Variants in MIB1 observed in about 807,000 individuals in gnomAD.
The protein encoded by MIB1 is MIB E3 ubiquitin protein ligase 1, also known as E3 ubiquitin-protein ligase MIB1.
MIB1 carries 278 observed loss-of-function variants against 124.5 expected under a neutral mutation model. The ratio of observed to expected loss-of-function variants is 2.23; its 90% confidence interval spans 2.02 to 2.47. The LOEUF is 2.47. MIB1 is among the 30% of genes most tolerant of loss of function. The pLI is 0.00. For synonymous variants in MIB1, 446 were observed against 429.4 expected (o/e 1.04, Z -0.48); for missense variants, 957 against 1,254.4 (o/e 0.76, Z 3.58).
intron 4 of MIB1, among the ~76,000 whole-genome samples, 180 bp downstream of exon 4, chr18:21,773,908 C>CT (rs1291858166): frequency 2.0e-5 from 3 of 151,966 alleles, no homozygotes; most frequent in Non-Finnish European, 2.9e-5. Context: ...GTTTGAGTAC[C>CT]TTACTATATA....
At chr18:21,781,975 T>C (rs1370718949) in intron 6 of MIB1, among the ~76,000 whole-genome samples, 1 of 152,136 alleles carries the variant, frequency 6.6e-6, no homozygotes, top group Non-Finnish European at 1.5e-5. Context: ...ATTTTGTTGA[T>C]ATTTTCTCTT....
At chr18:21,858,116 G>A (rs1218054174) in intron 19 of MIB1, among the ~76,000 whole-genome samples, 4 of 152,154 alleles carry the variant, frequency 2.6e-5, no homozygotes, top group South Asian at 2.1e-4. Context: ...ATTTGTGTAC[G>A]TCCTCATAAA....
chr18:21,841,484 A>G (rs2042088671), intron 13 of MIB1, among the ~76,000 whole-genome samples: 1 of 152,210 alleles, frequency 6.6e-6, no homozygotes, highest in South Asian at 2.1e-4. Context: ...TGAAAGCATT[A>G]TTAGTGATTA....
At chr18:21,800,132 G>T (rs2041634713) in intron 9 of MIB1, among the ~76,000 whole-genome samples, 158 bp downstream of exon 9, 1 of 151,914 alleles carries the variant, frequency 6.6e-6, no homozygotes, top group Non-Finnish European at 1.5e-5. Context: ...ACATTCTTCA[G>T]TGTGCATTTC....
chr18:21,858,575 G>A lies in MIB1; in HGVS notation c.2809G>A (p.Asp937Asn). 6.3e-7 allele frequency: 1 copy of A among 1,591,322 alleles called. No homozygotes were observed. The highest frequency in any genetic ancestry group is 1.1e-5 in the South Asian group (1 of 89,728). The change falls in exon 20 of 21, where the codon GAC (aspartate) becomes AAC (asparagine). Residue 937 changes from aspartate to asparagine, a missense_variant. Asp to Asn is a conservative substitution (Grantham distance 23). Coordinates refer to ENST00000261537, the MANE Select transcript of MIB1 (RefSeq NM_020774.4). Reference sequence around the variant, plus strand: ...TGGGAATATTCCAGTATTACAAAAGGACAAGGATAATACCAATGTCAATGC... The same window carrying A: ...TGGGAATATTCCAGTATTACAAAAGAACAAGGATAATACCAATGTCAATGC... Reference protein sequence around the residue: ...SSGNIPVLQKDKDNTNVNADV... With the variant: ...SSGNIPVLQKNKDNTNVNADV...
chr18:21,716,230 A>G (rs2040689239), intron 1 of MIB1, among the ~76,000 whole-genome samples: 1 of 152,204 alleles, frequency 6.6e-6, no homozygotes, highest in African/African-American at 2.4e-5. Flanking sequence ...AAACAAAACA[A>G]TTATCAGCCA....
intron 1 of MIB1, among the ~76,000 whole-genome samples, chr18:21,753,498 T>C (rs1477430298): frequency 1.3e-5 from 2 of 152,142 alleles, no homozygotes; most frequent in African/African-American, 4.8e-5. Context: ...GAAAATATTT[T>C]TTTTTGTTAA....
chr18:21,778,022 A>C, intron 4 of MIB1, 81 bp from the exon 5 acceptor site: 1 of 944,122 alleles, frequency 1.1e-6, no homozygotes. Context: ...GTATGTTCTG[A>C]ATGAATATTC....
rs966181347 is a variant in MIB1, at chr18:21,711,009, T to A, written n.167+5886T>A. ...ACCCAGATAATTTTTGTATTTTTAG[T>A]AGAGACAGGGTTTCACCATGTTGGC... On this transcript the variant is annotated intron_variant and non_coding_transcript_variant, in intron 1 of 20. Transcript: ENST00000578646. 2.6e-5 allele frequency among the ~76,000 whole-genome samples: 4 copies of A among 152,102 alleles called. No homozygotes were observed. In the South Asian group the frequency reaches 8.3e-4, roughly 31 times the overall value.
chr18:21,736,092 C>T (rs1220866812), upstream of MIB1, among the ~76,000 whole-genome samples: 1 of 152,220 alleles, frequency 6.6e-6, no homozygotes, highest in Non-Finnish European at 1.5e-5. Context: ...GAGACACCTC[C>T]CAGTAGGGGC....
At chr18:21,849,437 A>G in intron 17 of MIB1, 49 bp downstream of exon 17, 1 of 1,082,470 alleles carries the variant, frequency 9.2e-7, no homozygotes, top group South Asian at 2.1e-5. Flanking sequence ...AGTTGAGACT[A>G]GAATTAATGA....
rs771083070 is a variant in MIB1, at chr18:21,798,204, T to A, written c.1213T>A (p.Ser405Thr). The A allele has an allele frequency of 6.2e-7, 1 of 1,613,218 alleles. No individual in the cohort carries two copies. Among genetic ancestry groups the A allele is most frequent in the Non-Finnish European group, 8.5e-7 (1 of 1,179,374 alleles). Residue 405 changes from serine to threonine, a missense_variant, in exon 8 of 21, where the codon TCA becomes ACA. Transcript: ENST00000261537. ...AGTTTCCAAGGTGGCATCTGCAGGA[T>A]CAGCCATTAGCAATGCATCTGGTGG... ...AAVSKVASAG[S>T]AISNASGERL...
At chr18:21,735,995 G>C (rs1252813732), upstream of MIB1, among the ~76,000 whole-genome samples, 2 of 152,260 alleles carry the variant, frequency 1.3e-5, no homozygotes, top group African/African-American at 4.8e-5. Flanking sequence ...GAAGAGAGCA[G>C]TGGATCTCCC....
At chr18:21,776,900 C>T (rs1366536616) in intron 4 of MIB1, among the ~76,000 whole-genome samples, 1 of 151,902 alleles carries the variant, frequency 6.6e-6, no homozygotes, top group African/African-American at 2.4e-5. Context: ...TTGCTTGAAC[C>T]CAGGAGGTGG....
intron 1 of MIB1, among the ~76,000 whole-genome samples, chr18:21,764,737 AAC>A (rs1491323601): frequency 2.0e-5 from 3 of 151,838 alleles, no homozygotes; most frequent in Admixed American, 6.6e-5. Flanking sequence ...TGAAAAAAAA[AAC>A]AAAACAAAAC....
chr18:21,814,055 G>T (rs1051553674), intron 10 of MIB1, among the ~76,000 whole-genome samples: 2 of 152,124 alleles, frequency 1.3e-5, no homozygotes, highest in Middle Eastern at 3.2e-3. Context: ...CGCAGTGCAG[G>T]CAGTTTTTCC....
intron 14 of MIB1, 83 bp from the exon 15 acceptor site, chr18:21,844,009 G>A (rs2042113638): frequency 1.5e-6 from 2 of 1,362,344 alleles, no homozygotes; most frequent in Non-Finnish European, 2.1e-6. Flanking sequence ...TAGGTCCAGG[G>A]TGTTCTCACC....
At chr18:21,831,103 G>GAAAAAA in intron 12 of MIB1, 1 of 70,312 alleles carries the variant, frequency 1.4e-5, no homozygotes, top group South Asian at 4.3e-4. Context: ...GTCTAAAAAA[G>GAAAAAA]ACAAAAAAAA....
chr18:21,777,059 T>G (rs143150305), intron 4 of MIB1, among the ~76,000 whole-genome samples: 148 of 152,338 alleles, frequency 9.7e-4, no homozygotes, highest in African/African-American at 3.5e-3. Flanking sequence ...TTTTTTACTT[T>G]GTATTGGCTA....
Sources: gnomAD v4.1 joint callset for allele counts (sites outside exome capture counted in the v4.1 genomes callset) on GRCh38, gnomAD v4.1.1 for gene constraint, MANE v1.5 for transcripts, NCBI Gene and HGNC (gene_info 2026-07-23, HGNC 2026-07-21) for gene names.